Variants in CCDC163 observed in about 807,000 individuals in gnomAD.
CCDC163 encodes the protein CCDC163 homolog.
A neutral mutation model predicts 8.2 loss-of-function variants in CCDC163; 13 were observed. The ratio of observed to expected loss-of-function variants is 1.59; its 90% CI spans 1.04 to 2.54. CCDC163 has a LOEUF of 2.54. Ranked by LOEUF, CCDC163 falls within the 30% of genes most tolerant of loss-of-function variation. The pLI is 0.00. For synonymous variants in CCDC163, 41 were observed against 30.9 expected (o/e 1.33, Z -1.08); for missense variants, 117 against 78.6 (o/e 1.49, Z -1.85).
Position 45,499,437 on chromosome 1 carries a change from G to C in CCDC163, c.85C>G (p.Leu29Val). 2 of 779,268 alleles carry C rather than the reference G, an allele frequency of 2.6e-6. No homozygotes were observed. Among genetic ancestry groups the C allele is most frequent in the Middle Eastern group, 2.3e-4 (1 of 4,442 alleles). 48.3% of individuals were successfully genotyped at this position (779,268 alleles called of 1,614,324 possible). ...DGNVVRNKQW[L>V]YPLGVSTELI... is the part of the protein sequence containing the mutation. ...TCTGTGGAGACCCCAAGAGGATACA[G>C]CCACTGCTACAAAAGAAACAGATGC... Residue 29 changes from leucine (L) to valine (V), a missense_variant, in exon 2 of 5, where the codon CTG becomes GTG. Physicochemically the swap from Leu to Val is conservative, Grantham distance 32. Coordinates refer to ENST00000629482, the MANE Select transcript of CCDC163 (RefSeq NM_001102601.3).
chr1:45,498,844 T>C (rs1643448929), intron 2 of CCDC163, among the ~76,000 whole-genome samples: 1 of 152,236 alleles, frequency 6.6e-6, no homozygotes, highest in South Asian at 2.1e-4. Flanking sequence ...GCTCTCGCTC[T>C]TCTAGCAGGC....
intron 2 of CCDC163, 41 bp from the exon 3 acceptor site, chr1:45,497,424 A>T: frequency 1.3e-6 from 1 of 772,630 alleles, no homozygotes. Context: ...AGGCAAGTAG[A>T]GTATCTAGGG....
intron 4 of CCDC163, chr1:45,495,608 C>A: frequency 1.5e-6 from 1 of 655,856 alleles, no homozygotes; most frequent in Non-Finnish European, 2.8e-6. Context: ...GCCCTTCCAA[C>A]ACAGAACTGT....
intron 4 of CCDC163, chr1:45,496,283 A>C (rs937290): frequency 2.1e-4 from 107 of 517,994 alleles, no homozygotes; most frequent in South Asian, 2.0e-3. Context: ...TCATGGGCTC[A>C]GGTGGAACCA....
chr1:45,495,609 A>G, intron 4 of CCDC163: 1 of 662,064 alleles, frequency 1.5e-6, no homozygotes. Flanking sequence ...CCCTTCCAAC[A>G]CAGAACTGTC....
chr1:45,497,188 A>G (rs374378393), intron 3 of CCDC163, 111 bp downstream of exon 3: 3 of 579,032 alleles, frequency 5.2e-6, no homozygotes, highest in East Asian at 3.0e-5. Flanking sequence ...ACAGAGCAAG[A>G]CTCCATCTCA....
chr1:45,497,427 A>G (rs752260278), intron 2 of CCDC163, 44 bp from the exon 3 acceptor site: 6 of 767,562 alleles, frequency 7.8e-6, no homozygotes, highest in Middle Eastern at 2.3e-4. Flanking sequence ...CAAGTAGAGT[A>G]TCTAGGGTCT....
At chr1:45,497,240 G>T in intron 3 of CCDC163, 59 bp downstream of exon 3, 1 of 725,190 alleles carries the variant, frequency 1.4e-6, no homozygotes, top group Non-Finnish European at 2.5e-6. Flanking sequence ...AGAAGAAGAT[G>T]ACTTTCCAGA....
intron 2 of CCDC163, among the ~76,000 whole-genome samples, chr1:45,497,710 G>A (rs1643369366): frequency 5.4e-4 from 1 of 1,846 alleles, no homozygotes; most frequent in Non-Finnish European, 1.2e-3. Context: ...GGGAGGTGGA[G>A]GGGGTCAGCC....
intron 2 of CCDC163, among the ~76,000 whole-genome samples, chr1:45,498,088 C>G (rs1474934168): frequency 2.8e-4 from 42 of 151,056 alleles, no homozygotes; most frequent in Non-Finnish European, 4.3e-4. Context: ...TACCCCCAAC[C>G]CTGTGCTCTC....
At chr1:45,498,394 C>CAAAAAAAAAAAAA (rs779532347) in intron 2 of CCDC163, 3 of 104,314 alleles carry the variant, frequency 2.9e-5, no homozygotes, top group African/African-American at 3.4e-5. Context: ...AAAACAAACC[C>CAAAAAAAAAAAAA]AAAAAAAAAA....
rs1654169311 is a variant in CCDC163, at chr1:45,496,619, C to T, written c.267G>A (p.Gln89=). 3 of 779,668 alleles carry T rather than the reference C, an allele frequency of 3.8e-6. No homozygotes were observed. Among genetic ancestry groups the T allele is most frequent in the Non-Finnish European group, 7.2e-6 (3 of 417,604 alleles). The allele number at this position is 779,668 out of a possible 1,614,324, so 48.3% of individuals were successfully genotyped here. Residue 89 remains glutamine, a synonymous_variant, in exon 4 of 5, where the codon CAG becomes CAA. Transcript: ENST00000629482. ...GCTGTTTCAGCAGCAGCTCCTGGTGCTGGCCTGCAGATGAGAGAGAATGTA... is the reference window on the plus strand; with the variant it reads ...GCTGTTTCAGCAGCAGCTCCTGGTGTTGGCCTGCAGATGAGAGAGAATGTA... ...ELKLLQYQLS[Q]HQELLLKQLA... is the part of the protein sequence containing the mutation.
chr1:45,496,622 G>A lies in CCDC163; in HGVS notation c.264C>T (p.Ser88=), dbSNP rs779906477. 1 of 779,376 alleles carries A rather than the reference G, an allele frequency of 1.3e-6. No individual in the cohort carries two copies. Among genetic ancestry groups the A allele is most frequent in the Non-Finnish European group, 2.4e-6 (1 of 417,462 alleles). The allele number at this position is 779,376 out of a possible 1,614,324, so 48.3% of individuals were successfully genotyped here. The change falls in exon 4 of 5, where the codon AGC becomes AGT. Residue 88 remains serine (S), a splice_region_variant and synonymous_variant. Transcript: ENST00000629482. ...KELKLLQYQL[S]QHQELLLKQL... ...GTTTCAGCAGCAGCTCCTGGTGCTG[G>A]CCTGCAGATGAGAGAGAATGTAAGG...
chr1:45,495,382 C>T, intron 4 of CCDC163: 1 of 702,978 alleles, frequency 1.4e-6, no homozygotes, highest in Non-Finnish European at 2.6e-6. Flanking sequence ...CAGATTTAGC[C>T]TCCCCCAAAA....
intron 2 of CCDC163, 32 bp downstream of exon 2, chr1:45,499,313 A>G (rs1258244247): frequency 1.3e-6 from 1 of 751,608 alleles, no homozygotes; most frequent in East Asian, 2.5e-5. Context: ...AGAAAGAGAA[A>G]GGGCTTGGAA....
At chr1:45,495,458 A>C (rs1423087032) in intron 4 of CCDC163, 1 of 702,848 alleles carries the variant, frequency 1.4e-6, no homozygotes, top group Non-Finnish European at 2.6e-6. Flanking sequence ...TACTGTCCAG[A>C]AGACTGAATT....
chr1:45,498,115 T>C (rs1401502875), intron 2 of CCDC163, among the ~76,000 whole-genome samples: 1 of 151,692 alleles, frequency 6.6e-6, no homozygotes, highest in Admixed American at 6.6e-5. Flanking sequence ...ATGTGCTGTG[T>C]CCACTCAGAG....
At chr1:45,496,266 T>C in intron 4 of CCDC163, 1 of 480,608 alleles carries the variant, frequency 2.1e-6, no homozygotes, top group East Asian at 4.2e-5. Context: ...CTCTAACATC[T>C]GCCAGATCAT....
chr1:45,499,603 T>C lies in CCDC163; in HGVS notation c.7A>G (p.Thr3Ala), dbSNP rs1233504360. The change falls in exon 1 of 5, where the codon ACG (threonine) becomes GCG (alanine). Residue 3 changes from threonine (T) to alanine (A), a missense_variant. Coordinates refer to ENST00000629482, the MANE Select transcript of CCDC163 (RefSeq NM_001102601.3). MN[T>A]SLSWFEQLDV... ...AGCTGCTCAAACCAGCTGAGGCTCG[T>C]ATTCATATCCTGTGGCAGGGGAGCG... 6 of 770,702 alleles carry C rather than the reference T, an allele frequency of 7.8e-6. No homozygotes were observed. Among genetic ancestry groups the C allele is most frequent in the Non-Finnish European group, 1.5e-5 (6 of 413,438 alleles). The allele number at this position is 770,702 out of a possible 1,614,324, so 47.7% of individuals were successfully genotyped here.
Sources: allele counts gnomAD v4.1 joint callset (sites outside exome capture counted in the v4.1 genomes callset), GRCh38; gene constraint gnomAD v4.1.1; transcripts MANE v1.5; gene names NCBI Gene and HGNC (gene_info 2026-07-23, HGNC 2026-07-21).